ATXN3: variants seen among roughly 807,000 people sequenced by gnomAD.
The protein encoded by ATXN3 is ataxin-3.
ATXN3 carries 28 observed loss-of-function variants against 58.2 expected under a neutral mutation model. That is an observed-to-expected ratio of 0.48 (90% CI 0.36 to 0.66). ATXN3 has a LOEUF of 0.66. ATXN3 is among the 30% of genes least tolerant of loss of function. The pLI, the probability that ATXN3 is intolerant of heterozygous loss-of-function variation, is 0.00. For synonymous variants in ATXN3, 113 were observed against 138.5 expected (o/e 0.82, Z 1.29); for missense variants, 321 against 422.1 (o/e 0.76, Z 2.10).
At chr14:92,081,219 C>T (rs1010163165) in intron 8 of ATXN3, among the ~76,000 whole-genome samples, 158 bp from the exon 9 acceptor site, 3 of 152,020 alleles carry the variant, frequency 2.0e-5, no homozygotes, top group Non-Finnish European at 4.4e-5. Context: ...CACATGTAAT[C>T]CCAGCACTTT....
chr14:92,057,172 C>T (rs2140166510), downstream of ATXN3, among the ~76,000 whole-genome samples: 1 of 152,334 alleles, frequency 6.6e-6, no homozygotes, highest in South Asian at 2.1e-4. Context: ...CATCCCAGCA[C>T]TTTGGGAGGC....
At chr14:92,073,104 G>T (rs7149601) in intron 9 of ATXN3, among the ~76,000 whole-genome samples, 43,866 of 152,170 alleles carry the variant, frequency 0.29, 6,745 homozygotes, top group East Asian at 0.44. Flanking sequence ...CATGCCCTCT[G>T]CCCCTCCACT....
intron 10 of ATXN3, among the ~76,000 whole-genome samples, chr14:92,068,849 C>T (rs1010441710): frequency 6.6e-6 from 1 of 152,130 alleles, no homozygotes; most frequent in African/African-American, 2.4e-5. Flanking sequence ...CTCAGCCTCC[C>T]AAAGTGCTGG....
intron 9 of ATXN3, among the ~76,000 whole-genome samples, chr14:92,075,162 T>G (rs921747466): frequency 5.5e-5 from 4 of 72,938 alleles, no homozygotes; most frequent in African/African-American, 1.4e-4. Flanking sequence ...GGGAGTTTTT[T>G]TTTTTTTTTT....
Position 92,073,237 on chromosome 14 carries a change from T to C in ATXN3, c.873-2184A>G, listed in dbSNP as rs576855160. ...AAATCAATTGTCCACCTTGAAACAA[T>C]GTAGACACCTTCCAGCTGTGAAGAC... is the stretch of plus-strand genomic sequence containing the variant. On this transcript the variant is annotated intron_variant, in intron 9 of 10. Transcript: ENST00000644486. Among the ~76,000 whole-genome samples the C allele has an allele frequency of 2.0e-5, 3 of 152,368 alleles. No homozygotes were observed. The South Asian group carries it at 6.2e-4, about 32-fold the overall frequency.
chr14:92,087,813 G>C (rs559976759), intron 6 of ATXN3, among the ~76,000 whole-genome samples: 1 of 152,216 alleles, frequency 6.6e-6, no homozygotes, highest in Admixed American at 6.5e-5. Context: ...TAGTTAAAGA[G>C]TAATATGCTT....
In ATXN3 at chr14:92,070,920, G is replaced by A; in HGVS notation, c.991+15C>T. 1 of 1,613,432 alleles carries A rather than the reference G, an allele frequency of 6.2e-7. No individual in the cohort carries two copies. Among genetic ancestry groups the A allele is most frequent in the Non-Finnish European group, 8.5e-7 (1 of 1,179,904 alleles). On this transcript the variant is annotated intron_variant, in intron 10 of 10. Coordinates refer to ENST00000644486, the MANE Select transcript of ATXN3 (RefSeq NM_004993.6). ...GTGAAGGTAGCGAACATGATGAATG[G>A]TGAGCAGGCCTTACCTAGATCACTC...
In ATXN3 at chr14:92,088,713, G is replaced by T; in HGVS notation, c.475+17C>A. On this transcript the variant is annotated intron_variant, in intron 6 of 10. Coordinates refer to ENST00000644486, the MANE Select transcript of ATXN3 (RefSeq NM_004993.6). Reference sequence around the variant, plus strand: ...ACTTCGAAAGGTAACATTACAAAATGTTCAGCCGTTACTTACCTTCCTGTT... The same window carrying T: ...ACTTCGAAAGGTAACATTACAAAATTTTCAGCCGTTACTTACCTTCCTGTT... 2 of 1,524,014 alleles carry T rather than the reference G, an allele frequency of 1.3e-6. No homozygotes were observed. The highest frequency in any genetic ancestry group is 1.8e-6 in the Non-Finnish European group (2 of 1,101,190). The allele number at this position is 1,524,014 out of a possible 1,614,324, so 94.4% of individuals were successfully genotyped here.
chr14:92,049,995 A>C (rs2057442574), upstream of ATXN3, among the ~76,000 whole-genome samples: 1 of 152,260 alleles, frequency 6.6e-6, no homozygotes, highest in Non-Finnish European at 1.5e-5. Context: ...TAAGTAATTA[A>C]CATAAAAGCT....
At position 92,058,867 on chromosome 14, in the gene ATXN3, T is replaced by C. The variant is rs2057547433; in HGVS notation, c.*5453A>G. 6.6e-6 allele frequency: 1 copy of C among 152,148 alleles called. No homozygotes were observed. The highest frequency in any genetic ancestry group is 6.6e-5 in the Admixed American group (1 of 15,266). The allele number at this position is 152,148 out of a possible 1,614,324, so 9.4% of individuals were successfully genotyped here. ...TTCAAATATTTATACAGAACAGTAATTTTTAAAAAGTTATTCCTAATAGCC... is the reference window on the plus strand; with the variant it reads ...TTCAAATATTTATACAGAACAGTAACTTTTAAAAAGTTATTCCTAATAGCC... On this transcript the variant is annotated 3_prime_UTR_variant, in exon 11 of 11. Transcript: ENST00000644486.
intron 10 of ATXN3, chr14:92,070,671 A>C (rs953890084): frequency 1.1e-6 from 1 of 884,958 alleles, no homozygotes; most frequent in African/African-American, 1.7e-5. Flanking sequence ...GTATTCATTA[A>C]ATGTTCTAGC....
intron 9 of ATXN3, chr14:92,079,575 G>T: frequency 3.7e-6 from 1 of 273,860 alleles, no homozygotes; most frequent in Non-Finnish European, 5.6e-6. Flanking sequence ...AATTATGACT[G>T]TAAGATGCTT....
downstream of ATXN3, among the ~76,000 whole-genome samples, chr14:92,056,885 G>A (rs1451585627): frequency 6.6e-6 from 1 of 152,184 alleles, no homozygotes; most frequent in East Asian, 1.9e-4. Context: ...GGCATTCTAA[G>A]TCACAGGATG....
intron 6 of ATXN3, among the ~76,000 whole-genome samples, chr14:92,087,906 GGATT>G (rs2062940264): frequency 6.6e-6 from 1 of 152,158 alleles, no homozygotes; most frequent in African/African-American, 2.4e-5. Context: ...GGCAGGTACT[GGATT>G]GATTGACGAT....
At chr14:92,094,392 G>C (rs2064682331) in intron 3 of ATXN3, among the ~76,000 whole-genome samples, 1 of 152,144 alleles carries the variant, frequency 6.6e-6, no homozygotes, top group South Asian at 2.1e-4. Flanking sequence ...CAAAAATCCA[G>C]ATGTATATTC....
At chr14:92,093,862 C>A in intron 3 of ATXN3, 31 bp from the exon 4 acceptor site, 1 of 1,318,584 alleles carries the variant, frequency 7.6e-7, no homozygotes, top group Non-Finnish European at 1.1e-6. Flanking sequence ...TTTTCATAAG[C>A]TAAACCACTC....
chr14:92,056,367 G>T (rs1595427521), downstream of ATXN3, among the ~76,000 whole-genome samples: 1 of 152,228 alleles, frequency 6.6e-6, no homozygotes, highest in African/African-American at 2.4e-5. Flanking sequence ...AAAGCTACTG[G>T]TTTTCTTTGA....
chr14:92,097,231 A>ATC (rs2065612166), intron 1 of ATXN3, among the ~76,000 whole-genome samples: 1 of 139,000 alleles, frequency 7.2e-6, no homozygotes, highest in Non-Finnish European at 1.6e-5. Context: ...TTAATCATTA[A>ATC]TTTTTTTTTT....
chr14:92,098,448 AT>A (rs1868595763), intron 1 of ATXN3, among the ~76,000 whole-genome samples: 1 of 152,078 alleles, frequency 6.6e-6, no homozygotes, highest in East Asian at 1.9e-4. Flanking sequence ...ATTAGCCAGC[AT>A]GGTGGTGTGT....
Sources: allele counts gnomAD v4.1 joint callset (sites outside exome capture counted in the v4.1 genomes callset), GRCh38; gene constraint gnomAD v4.1.1; transcripts MANE v1.5; gene names NCBI Gene and HGNC (gene_info 2026-07-23, HGNC 2026-07-21).